Variants in NDRG4 observed in about 807,000 individuals in gnomAD.
NDRG4 encodes NDRG family member 4.
In NDRG4, 38 loss-of-function variants were observed where a neutral mutation model predicts 55.8. That is an observed-to-expected ratio of 0.68 (90% CI 0.53 to 0.89). The LOEUF (loss-of-function observed/expected upper bound fraction) is 0.89. Ranked by LOEUF, NDRG4 falls within the 40% of genes least tolerant of loss-of-function variation. The pLI is 0.00. For synonymous variants in NDRG4, 190 were observed against 182.7 expected (o/e 1.04, Z -0.32); for missense variants, 455 against 468.6 (o/e 0.97, Z 0.27).
At chr16:58,508,069 C>T in intron 10 of NDRG4, 70 bp downstream of exon 10, 1 of 1,406,030 alleles carries the variant, frequency 7.1e-7, no homozygotes, top group South Asian at 1.4e-5. Flanking sequence ...CCCTGCCCAG[C>T]AGGGACAATT....
intron 1 of NDRG4, chr16:58,502,124 TCCC>T: frequency 2.4e-6 from 1 of 424,534 alleles, no homozygotes; most frequent in Admixed American, 2.4e-5. Context: ...GGGCCTGCCC[TCCC>T]TACTCTGGGA....
At chr16:58,468,393 A>G (rs142064042) in intron 1 of NDRG4, among the ~76,000 whole-genome samples, 193 of 152,288 alleles carry the variant, frequency 1.3e-3, no homozygotes, top group African/African-American at 4.4e-3. Flanking sequence ...TTTCGGCCTC[A>G]GTCTTATCAG....
intron 7 of NDRG4, 137 bp downstream of exon 7, chr16:58,506,751 C>T (rs2038084566): frequency 8.2e-7 from 1 of 1,219,544 alleles, no homozygotes; most frequent in Non-Finnish European, 1.2e-6. Flanking sequence ...AGACAGACAT[C>T]CCCTCCCAAG....
At chr16:58,477,312 A>G (rs1238926608) in intron 1 of NDRG4, among the ~76,000 whole-genome samples, 1 of 152,196 alleles carries the variant, frequency 6.6e-6, no homozygotes, top group Non-Finnish European at 1.5e-5. Flanking sequence ...TCTCCAATAA[A>G]GGGAACTAGG....
chr16:58,467,176 C>T (rs748174453), intron 1 of NDRG4, among the ~76,000 whole-genome samples: 34 of 152,158 alleles, frequency 2.2e-4, no homozygotes, highest in Non-Finnish European at 2.4e-4. Context: ...CTCCCTGCCC[C>T]GACATCAGCC....
downstream of NDRG4, among the ~76,000 whole-genome samples, chr16:58,514,777 A>C (rs2151871745): frequency 6.6e-6 from 1 of 151,342 alleles, no homozygotes; most frequent in Non-Finnish European, 1.5e-5. Context: ...GAAAAAAAAA[A>C]AAAACTGAGT....
chr16:58,510,986 T>G lies in NDRG4; in HGVS notation c.904+303T>G, dbSNP rs138416628. ...CAGGCCTGGCCCTGCCTGAGCCACA[T>G]AGGTGGCCAGGAGAGTTCCGGAGGG... is the stretch of plus-strand genomic sequence containing the variant. On this transcript the variant is annotated intron_variant, in intron 14 of 14. Coordinates refer to ENST00000570248, the MANE Select transcript of NDRG4 (RefSeq NM_001242835.2). The G allele has an allele frequency of 2.0e-3, 1,056 of 534,198 alleles. 7 individuals carry two copies. The highest frequency in any genetic ancestry group is 0.017 in the African/African-American group (887 of 53,146). The allele number at this position is 534,198 out of a possible 1,614,324, so 33.1% of individuals were successfully genotyped here.
chr16:58,483,356 C>G (rs2034694484), intron 1 of NDRG4, among the ~76,000 whole-genome samples: 1 of 151,850 alleles, frequency 6.6e-6, no homozygotes, highest in Non-Finnish European at 1.5e-5. Context: ...CTGAGTGCTC[C>G]TGTTTGCCTT....
intron 5 of NDRG4, chr16:58,505,878 C>T (rs1433643074): frequency 8.2e-5 from 20 of 245,312 alleles, no homozygotes; most frequent in African/African-American, 1.9e-4. Context: ...CATGCCACCA[C>T]GCCTGGCTAA....
At chr16:58,487,961 C>G (rs924718798) in intron 2 of NDRG4, 7 of 770,640 alleles carry the variant, frequency 9.1e-6, no homozygotes, top group African/African-American at 5.4e-5. Flanking sequence ...CCAGCCACAC[C>G]GAGAAGCCCT....
In NDRG4 at chr16:58,512,875, T is replaced by C. The variant is rs1422774383; in HGVS notation, c.*1299T>C. ...AAAACGGGAGAGAGCAGTGAAAACA[T>C]GCAGGGCTGTGGACGGGGGAAGGGT... On this transcript the variant is annotated 3_prime_UTR_variant, in exon 15 of 15. Transcript: ENST00000570248. The C allele has an allele frequency of 6.5e-6, 1 of 152,740 alleles. No individual in the cohort carries two copies. The highest frequency in any genetic ancestry group is 2.4e-5 in the African/African-American group (1 of 41,430). 9.5% of individuals were successfully genotyped at this position (152,740 alleles called of 1,614,324 possible). A position where few individuals can be genotyped will look rare whatever the true frequency, so the allele number is the denominator to read the frequency against.
intron 8 of NDRG4, chr16:58,507,337 G>T: frequency 2.4e-6 from 1 of 424,688 alleles, no homozygotes; most frequent in Non-Finnish European, 4.3e-6. Flanking sequence ...AAATGAGGAA[G>T]AGGTCGGATG....
At chr16:58,503,373 G>A (rs1468174864) in intron 1 of NDRG4, among the ~76,000 whole-genome samples, 1 of 152,184 alleles carries the variant, frequency 6.6e-6, no homozygotes, top group Non-Finnish European at 1.5e-5. Context: ...GAGGATTCCA[G>A]GCAGGACCAC....
chr16:58,488,298 C>T (rs915079668), intron 2 of NDRG4, among the ~76,000 whole-genome samples: 10 of 152,226 alleles, frequency 6.6e-5, no homozygotes, highest in Admixed American at 6.5e-4. Context: ...GTCTAACCAA[C>T]AGTGCCACCC....
intron 1 of NDRG4, among the ~76,000 whole-genome samples, chr16:58,481,474 G>A (rs1040814594): frequency 1.4e-4 from 22 of 152,236 alleles, no homozygotes; most frequent in African/African-American, 4.8e-4. Flanking sequence ...GTGTGCGCGC[G>A]CATGCAGGGT....
chr16:58,505,709 TTTTC>T (rs1192991711), intron 5 of NDRG4, among the ~76,000 whole-genome samples: 5 of 113,422 alleles, frequency 4.4e-5, no homozygotes, highest in East Asian at 6.8e-4. Flanking sequence ...GAGGGCTTCA[TTTTC>T]TTTTTTTTTT....
At chr16:58,471,317 A>C (rs1011469247) in intron 1 of NDRG4, among the ~76,000 whole-genome samples, 1 of 146,978 alleles carries the variant, frequency 6.8e-6, no homozygotes, top group South Asian at 2.1e-4. Flanking sequence ...GATTTATTAT[A>C]GCAGCCACAG....
chr16:58,490,955 C>T (rs1161610585), intron 2 of NDRG4, among the ~76,000 whole-genome samples: 1 of 143,332 alleles, frequency 7.0e-6, no homozygotes, highest in East Asian at 2.1e-4. Context: ...CCAGCCTGGG[C>T]GACAGAGCGA....
intron 1 of NDRG4, among the ~76,000 whole-genome samples, chr16:58,471,643 A>C (rs1461193593): frequency 6.6e-6 from 1 of 152,166 alleles, no homozygotes; most frequent in Non-Finnish European, 1.5e-5. Flanking sequence ...TCAGTGCTTT[A>C]GCTTCCAAAC....
Sources: allele counts gnomAD v4.1 joint callset (sites outside exome capture counted in the v4.1 genomes callset), GRCh38; gene constraint gnomAD v4.1.1; transcripts MANE v1.5; gene names NCBI Gene and HGNC (gene_info 2026-07-23, HGNC 2026-07-21).